Variants in ZNF558 observed in about 807,000 individuals in gnomAD.
ZNF558 encodes the protein zinc finger protein 558.
A neutral mutation model predicts 37.6 loss-of-function variants in ZNF558; 23 were observed. The observed-to-expected ratio is 0.61, with a 90% CI of 0.44 to 0.87. The LOEUF is 0.87. Among genes scored for constraint, ZNF558 ranks in the 40% least tolerant of loss-of-function variants. The pLI is 0.00. For missense variants in ZNF558, 429 were observed against 483.7 expected (o/e 0.89, Z 1.06); for synonymous variants, 189 against 174.4 (o/e 1.08, Z -0.66).
intron 7 of ZNF558, among the ~76,000 whole-genome samples, chr19:8,820,474 G>A (rs936440820): frequency 5.3e-5 from 8 of 152,096 alleles, no homozygotes; most frequent in African/African-American, 1.9e-4. Context: ...ATACAACATA[G>A]CTAAGTTTTT....
At chr19:8,816,342 C>T (rs2043939320) in intron 7 of ZNF558, among the ~76,000 whole-genome samples, 1 of 152,142 alleles carries the variant, frequency 6.6e-6, no homozygotes, top group Admixed American at 6.6e-5. Flanking sequence ...GGATTATAGG[C>T]GTGAACCATT....
At chr19:8,830,303 A>G (rs2044320671) in intron 2 of ZNF558, among the ~76,000 whole-genome samples, 3 of 152,162 alleles carry the variant, frequency 2.0e-5, no homozygotes, top group African/African-American at 4.8e-5. Flanking sequence ...AGTTATTTAT[A>G]GCAGTGTGAA....
At chr19:8,817,899 A>G (rs1408769157) in intron 7 of ZNF558, among the ~76,000 whole-genome samples, 1 of 152,224 alleles carries the variant, frequency 6.6e-6, no homozygotes. Flanking sequence ...TTGAGACTTC[A>G]ATACTCCACT....
upstream of ZNF558, among the ~76,000 whole-genome samples, chr19:8,834,788 G>A (rs2044437017): frequency 6.6e-6 from 1 of 152,054 alleles, no homozygotes. Flanking sequence ...GAAAACATAG[G>A]TGTCAAACTT....
chr19:8,806,926 C>T lies in ZNF558; in HGVS notation c.*4355G>A, dbSNP rs1208995947. ...GCTTTGAAAGCAATGTGTCCTTCTT[C>T]TTTGGTTGTTTGGTAGATTTGCAGT... On this transcript the variant is annotated 3_prime_UTR_variant, in exon 10 of 10. Coordinates refer to ENST00000601372, the MANE Select transcript of ZNF558 (RefSeq NM_144693.3). 1 of 152,142 alleles carries T rather than the reference C, an allele frequency of 6.6e-6. No homozygotes were observed. Among genetic ancestry groups the T allele is most frequent in the Non-Finnish European group, 1.5e-5 (1 of 68,038 alleles). 9.4% of individuals were successfully genotyped at this position (152,142 alleles called of 1,614,324 possible). A position where few individuals can be genotyped will look rare whatever the true frequency, so the allele number is the denominator to read the frequency against.
chr19:8,816,001 G>A (rs551683777), intron 7 of ZNF558, among the ~76,000 whole-genome samples: 10 of 152,042 alleles, frequency 6.6e-5, no homozygotes, highest in African/African-American at 1.9e-4. Context: ...ACAAATCCAA[G>A]AAGCTCAACA....
chr19:8,823,453 CGGTCACCCCCCTCCTGCCTT>C (rs1182475330), intron 4 of ZNF558, among the ~76,000 whole-genome samples: 13 of 102,688 alleles, frequency 1.3e-4, no homozygotes, highest in Admixed American at 4.0e-4. Context: ...CCTCCTGCCT[CGGTCACCCCCCTCCTGCCTT>C]GGTCACCCCC....
chr19:8,806,857 TC>T lies in ZNF558; in HGVS notation c.*4423del, dbSNP rs2043708142. The T allele has an allele frequency of 6.6e-6, 1 of 152,232 alleles. No homozygotes were observed. The highest frequency in any genetic ancestry group is 6.5e-5 in the Admixed American group (1 of 15,278). The allele number at this position is 152,232 out of a possible 1,614,324, so 9.4% of individuals were successfully genotyped here. On this transcript the variant is annotated 3_prime_UTR_variant, in exon 10 of 10. Coordinates refer to ENST00000601372, the MANE Select transcript of ZNF558 (RefSeq NM_144693.3). ...AGATGTCATTCATTGTCTTCTTGCT[TC>T]CATAGTTTCTTTTGAAAAGTCATCA...
chr19:8,822,102 A>T lies in ZNF558; in HGVS notation c.32-11T>A, dbSNP rs2044108600. 1 of 1,613,764 alleles carries T rather than the reference A, an allele frequency of 6.2e-7. No individual in the cohort carries two copies. Among genetic ancestry groups the T allele is most frequent in the Admixed American group, 1.7e-5 (1 of 59,988 alleles). ...ACAGGGAAGACGGAGCTGGAGGAGG[A>T]GAAATGAGTCCCATGGATTCAGGCT... On this transcript the variant is annotated splice_polypyrimidine_tract_variant and intron_variant, in intron 5 of 9. Coordinates refer to ENST00000601372, the MANE Select transcript of ZNF558 (RefSeq NM_144693.3). The surrounding 1 kb of genome is among the most constrained non-coding windows in gnomAD (Gnocchi z 4.4).
chr19:8,813,713 T>C (rs946448176), intron 7 of ZNF558, among the ~76,000 whole-genome samples: 3 of 152,174 alleles, frequency 2.0e-5, no homozygotes, highest in African/African-American at 7.2e-5. Context: ...TGAACAAAAA[T>C]GCAACAAGCA....
chr19:8,836,025 G>C (rs1018306451), upstream of ZNF558, among the ~76,000 whole-genome samples: 1 of 152,172 alleles, frequency 6.6e-6, no homozygotes, highest in Non-Finnish European at 1.5e-5. Flanking sequence ...GGGGAAGTGG[G>C]TAATGGTATG....
In ZNF558 at chr19:8,819,224, G is replaced by A. The variant is rs113840140; in HGVS notation, c.247+1956C>T. Reference sequence around the variant, plus strand: ...TTCTGAGACGGAGTCTCGTTCTGTCGCCTAGGCTGGAATATAGTGGATCTC... The same window carrying A: ...TTCTGAGACGGAGTCTCGTTCTGTCACCTAGGCTGGAATATAGTGGATCTC... On this transcript the variant is annotated intron_variant, in intron 7 of 9. Transcript: ENST00000601372. Among the ~76,000 whole-genome samples the A allele has an allele frequency of 3.8e-3, 585 of 152,218 alleles. 7 individuals are homozygous for A. The highest frequency in any genetic ancestry group is 0.013 in the African/African-American group (554 of 41,544).
In ZNF558 at chr19:8,809,778, G is replaced by C. The variant is rs1473007181; in HGVS notation, c.*1503C>G. 2 of 152,076 alleles carry C rather than the reference G, an allele frequency of 1.3e-5. No homozygotes were observed. Among genetic ancestry groups the C allele is most frequent in the African/African-American group, 4.8e-5 (2 of 41,396 alleles). The allele number at this position is 152,076 out of a possible 1,614,324, so 9.4% of individuals were successfully genotyped here. On this transcript the variant is annotated 3_prime_UTR_variant, in exon 10 of 10. Coordinates refer to ENST00000601372, the MANE Select transcript of ZNF558 (RefSeq NM_144693.3). ...AAATGTTTATATTAAAAGAAAAAAA[G>C]ACTAAAAAAATTAATGAGCCAGCAG...
chr19:8,817,054 G>T lies in ZNF558; in HGVS notation c.248-3832C>A, dbSNP rs949480151. Among the ~76,000 whole-genome samples, 28 of 151,178 alleles carry T rather than the reference G, an allele frequency of 1.9e-4. 1 individual carries two copies. The highest frequency in any genetic ancestry group is 1.4e-3 in the Admixed American group (21 of 15,152). ...AAAGAAATGAGAAGGGAATCAAAAT[G>T]GTCCACTAGAAAATATCTAACACAA... On this transcript the variant is annotated intron_variant, in intron 7 of 9. Transcript: ENST00000601372.
chr19:8,832,452 G>T, upstream of ZNF558: 1 of 153,018 alleles, frequency 6.5e-6, no homozygotes, highest in Non-Finnish European at 1.5e-5. Context: ...GCGAACCCCA[G>T]CCTTGGGCAG....
rs141930927 is a variant in ZNF558 at position 8,807,318 on chromosome 19, T to C, written c.*3963A>G. The C allele has an allele frequency of 2.1e-4, 32 of 152,338 alleles. No homozygotes were observed. The highest frequency in any genetic ancestry group is 4.3e-4 in the Non-Finnish European group (29 of 68,176). 9.4% of individuals were successfully genotyped at this position (152,338 alleles called of 1,614,324 possible). ...TAAGCTGCTGGGTGCTTTACAACTT[T>C]TTGTGGTTTCCCTGGATCCTGTCCA... On this transcript the variant is annotated 3_prime_UTR_variant, in exon 10 of 10. Transcript: ENST00000601372.
intron 7 of ZNF558, among the ~76,000 whole-genome samples, chr19:8,816,049 T>C (rs2043929241): frequency 1.0e-5 from 1 of 97,164 alleles, no homozygotes; most frequent in Non-Finnish European, 2.2e-5. Flanking sequence ...TAGAGATTCA[T>C]ACTGAAACAC....
chr19:8,823,344 C>T (rs1430980353), intron 4 of ZNF558, among the ~76,000 whole-genome samples: 1 of 149,006 alleles, frequency 6.7e-6, no homozygotes. Flanking sequence ...GTCACCTCCT[C>T]CTGCCTCGGT....
At chr19:8,817,201 A>G (rs545536621) in intron 7 of ZNF558, among the ~76,000 whole-genome samples, 2 of 152,190 alleles carry the variant, frequency 1.3e-5, no homozygotes, top group African/African-American at 2.4e-5. Context: ...ACATCATTAC[A>G]AGGTGGATTT....
Sources: allele counts gnomAD v4.1 joint callset (sites outside exome capture counted in the v4.1 genomes callset), GRCh38; gene constraint gnomAD v4.1.1; non-coding constraint Gnocchi (gnomAD v3.1); transcripts MANE v1.5; gene names NCBI Gene and HGNC (gene_info 2026-07-23, HGNC 2026-07-21).